The following TNIK variants were observed in gnomAD, a reference collection of about 807,000 sequenced individuals.
TNIK encodes TRAF2 and NCK-interacting protein kinase.
TNIK carries 49 observed loss-of-function variants against 191.3 expected under a neutral mutation model. The ratio of observed to expected loss-of-function variants is 0.26; its 90% CI spans 0.20 to 0.32. The LOEUF is 0.32. Ranked by LOEUF, TNIK falls within the 10% of genes least tolerant of loss-of-function variation. The pLI is 1.00. For missense variants in TNIK, 1,155 were observed against 1,702.3 expected (o/e 0.68, Z 5.66); for synonymous variants, 594 against 600.9 (o/e 0.99, Z 0.17).
chr3:171,429,183 C>A lies in TNIK; in HGVS notation c.57+30824G>T, dbSNP rs573241729. 2.7e-4 allele frequency among the ~76,000 whole-genome samples: 41 copies of A among 152,302 alleles called. No homozygotes were observed. In the South Asian group the frequency reaches 8.5e-3, roughly 32 times the overall value. ...ACACTCCATCTTAACCATCCCTCCA[C>A]AAAGCAAGCTGCGTTATTTTAACTG... On this transcript the variant is annotated intron_variant, in intron 1 of 32. Coordinates refer to ENST00000436636, the MANE Select transcript of TNIK (RefSeq NM_015028.4).
chr3:171,095,777 CT>C (rs897113129), intron 22 of TNIK, among the ~76,000 whole-genome samples: 8 of 152,184 alleles, frequency 5.3e-5, no homozygotes, highest in Non-Finnish European at 8.8e-5. Context: ...AATTACTAAA[CT>C]GGAGCAGTGG....
At position 171,077,672 on chromosome 3, in the gene TNIK, A is replaced by G. The variant is rs376616006; in HGVS notation, c.3448+1846T>C. Among the ~76,000 whole-genome samples, 5 of 152,282 alleles carry G rather than the reference A, an allele frequency of 3.3e-5. No individual in the cohort carries two copies. In the South Asian group the frequency reaches 1.0e-3, roughly 32 times the overall value. On this transcript the variant is annotated intron_variant, in intron 28 of 32. Coordinates refer to ENST00000436636, the MANE Select transcript of TNIK (RefSeq NM_015028.4). ...AGGCCTTCAGATTTGAACTGGACTT[A>G]AAACTTTGGCTCTCTTGGGTCTGAA...
chr3:171,292,270 A>G (rs904460797), intron 2 of TNIK, among the ~76,000 whole-genome samples: 1 of 152,216 alleles, frequency 6.6e-6, no homozygotes, highest in Non-Finnish European at 1.5e-5. Flanking sequence ...GGTTCTTTGT[A>G]GCTAAAGTAA....
At chr3:171,221,432 T>C (rs1742328490) in intron 3 of TNIK, among the ~76,000 whole-genome samples, 1 of 152,100 alleles carries the variant, frequency 6.6e-6, no homozygotes, top group Admixed American at 6.6e-5. Context: ...AGATCTCACA[T>C]AGCTGTCACT....
At chr3:171,352,635 G>A (rs778666693) in intron 2 of TNIK, among the ~76,000 whole-genome samples, 1 of 152,180 alleles carries the variant, frequency 6.6e-6, no homozygotes, top group Non-Finnish European at 1.5e-5. Flanking sequence ...CTATTTAAGT[G>A]AAAGTATTAA....
Position 171,084,275 on chromosome 3 carries a change from C to A in TNIK, c.3049G>T (p.Ala1017Ser). 6.2e-7 allele frequency: 1 copy of A among 1,613,792 alleles called. No homozygotes were observed. Among genetic ancestry groups the A allele is most frequent in the Non-Finnish European group, 8.5e-7 (1 of 1,179,802 alleles). ...LRQEQAKLNEARKISVVNVNP... is the reference protein window; with the variant it reads ...LRQEQAKLNESRKISVVNVNP... ...ACATTTACCACCGAAATCTTTCTTG[C>A]TTCATTGAGTTTGGCCTGTTCTTGC... The change falls in exon 26 of 33, where the codon GCA becomes TCA. Residue 1017 changes from alanine (A) to serine (S), a missense_variant. Ala to Ser is a moderately conservative substitution (Grantham distance 99). Transcript: ENST00000436636.
intron 2 of TNIK, among the ~76,000 whole-genome samples, chr3:171,291,962 T>A (rs76397517): frequency 1.4e-3 from 220 of 152,364 alleles, no homozygotes; most frequent in African/African-American, 5.2e-3. Flanking sequence ...TACTCATTTA[T>A]CTTCAGGTTT....
At chr3:171,333,063 A>G (rs1756564503) in intron 2 of TNIK, among the ~76,000 whole-genome samples, 1 of 152,214 alleles carries the variant, frequency 6.6e-6, no homozygotes, top group South Asian at 2.1e-4. Flanking sequence ...TTGATGTTAC[A>G]GCCACAACTC....
chr3:171,425,839 A>G (rs1329524888), intron 1 of TNIK, among the ~76,000 whole-genome samples: 1 of 152,036 alleles, frequency 6.6e-6, no homozygotes, highest in East Asian at 1.9e-4. Context: ...AAAAAAAAAA[A>G]AAAGGAAGAA....
At chr3:171,101,790 T>C (rs1318257811) in intron 21 of TNIK, 157 bp from the exon 22 acceptor site, 2 of 693,026 alleles carry the variant, frequency 2.9e-6, no homozygotes, top group Non-Finnish European at 4.7e-6. Flanking sequence ...GAAAATGATG[T>C]TTGTAGCGTG....
At chr3:171,183,032 G>T (rs746110508) in intron 7 of TNIK, among the ~76,000 whole-genome samples, 4 of 152,190 alleles carry the variant, frequency 2.6e-5, no homozygotes, top group African/African-American at 4.8e-5. Context: ...ACGAATGTGG[G>T]TACAGATAGA....
At chr3:171,126,247 A>G in intron 16 of TNIK, 96 bp from the exon 17 acceptor site, 2 of 1,404,070 alleles carry the variant, frequency 1.4e-6, no homozygotes, top group East Asian at 2.5e-5. Flanking sequence ...AAAAAGTTCA[A>G]GGGCACAAAA....
chr3:171,282,208 G>A (rs1255512415), intron 2 of TNIK, among the ~76,000 whole-genome samples: 1 of 151,940 alleles, frequency 6.6e-6, no homozygotes, highest in Non-Finnish European at 1.5e-5. Context: ...GTATCCCAGC[G>A]AATCACAAAG....
At chr3:171,389,441 T>C (rs866857391) in intron 1 of TNIK, among the ~76,000 whole-genome samples, 9 of 152,238 alleles carry the variant, frequency 5.9e-5, no homozygotes, top group Middle Eastern at 6.8e-3. Context: ...TACTGTACAC[T>C]AAAGATCTAT....
intron 18 of TNIK, among the ~76,000 whole-genome samples, chr3:171,117,811 A>C (rs1019645144): frequency 6.6e-6 from 1 of 152,112 alleles, no homozygotes; most frequent in Admixed American, 6.6e-5. Flanking sequence ...TCTACTAAAA[A>C]TACAAAAAAT....
chr3:171,320,446 C>T (rs1275978990), intron 2 of TNIK, among the ~76,000 whole-genome samples: 1 of 152,064 alleles, frequency 6.6e-6, no homozygotes, highest in African/African-American at 2.4e-5. Flanking sequence ...TCAATTTGCT[C>T]AGGTTGAAAA....
chr3:171,443,995 C>T (rs917030450), intron 1 of TNIK, among the ~76,000 whole-genome samples: 2 of 152,090 alleles, frequency 1.3e-5, no homozygotes, highest in East Asian at 3.9e-4. Flanking sequence ...GTCTAACCAT[C>T]GGTTTTTCCT....
chr3:171,078,465 T>C (rs1393393124), intron 28 of TNIK, among the ~76,000 whole-genome samples: 1 of 151,822 alleles, frequency 6.6e-6, no homozygotes, highest in Non-Finnish European at 1.5e-5. Context: ...TAAATGACTT[T>C]CCCCTACTTT....
chr3:171,275,028 C>T (rs1749559353), intron 2 of TNIK, among the ~76,000 whole-genome samples: 1 of 152,142 alleles, frequency 6.6e-6, no homozygotes, highest in Admixed American at 6.5e-5. Flanking sequence ...TTAACCCCTA[C>T]CCTATGCCCC....
Sources: gnomAD v4.1 joint callset for allele counts (sites outside exome capture counted in the v4.1 genomes callset) on GRCh38, gnomAD v4.1.1 for gene constraint, MANE v1.5 for transcripts, NCBI Gene and HGNC (gene_info 2026-07-23, HGNC 2026-07-21) for gene names.